APBB2: variants seen among roughly 807,000 people sequenced by gnomAD.
APBB2 encodes the protein Fe65-like 1.
A neutral mutation model predicts 82.5 loss-of-function variants in APBB2; 38 were observed. The observed-to-expected ratio is 0.46, with a 90% CI of 0.36 to 0.60. The LOEUF (loss-of-function observed/expected upper bound fraction) is 0.60, where lower values mean the gene tolerates loss of function less well. Ranked by LOEUF, APBB2 falls within the 20% of genes least tolerant of loss-of-function variation. The pLI is 0.00. For missense variants in APBB2, 772 were observed against 972.3 expected (o/e 0.79, Z 2.74); for synonymous variants, 341 against 368.2 (o/e 0.93, Z 0.85).
chr4:40,922,164 G>T (rs1781428922), intron 10 of APBB2, among the ~76,000 whole-genome samples: 1 of 152,222 alleles, frequency 6.6e-6, no homozygotes, highest in African/African-American at 2.4e-5. Context: ...TAACCGAACT[G>T]CTTCAACATG....
chr4:40,993,478 G>A (rs936287476), intron 6 of APBB2, among the ~76,000 whole-genome samples: 1 of 151,256 alleles, frequency 6.6e-6, no homozygotes, highest in Non-Finnish European at 1.5e-5. Context: ...TGACCTCCGG[G>A]GCTCAAGGAG....
chr4:41,112,640 C>T (rs1749594722), intron 2 of APBB2, among the ~76,000 whole-genome samples: 1 of 152,162 alleles, frequency 6.6e-6, no homozygotes, highest in South Asian at 2.1e-4. Flanking sequence ...TTCAAAAAAC[C>T]TGTAAATACA....
chr4:41,079,497 T>C (rs1736775030), intron 3 of APBB2, among the ~76,000 whole-genome samples: 1 of 151,330 alleles, frequency 6.6e-6, no homozygotes. Context: ...AAGATACAGA[T>C]AAAACTGTTT....
chr4:41,117,709 T>C (rs939707464), intron 2 of APBB2, among the ~76,000 whole-genome samples: 46 of 152,146 alleles, frequency 3.0e-4, no homozygotes, highest in African/African-American at 1.1e-3. Context: ...CTCAGCCCCA[T>C]CTGCTTCCAA....
At chr4:41,183,540 CAG>C (rs2154065401) in intron 1 of APBB2, among the ~76,000 whole-genome samples, 1 of 152,212 alleles carries the variant, frequency 6.6e-6, no homozygotes, top group South Asian at 2.1e-4. Context: ...AATTTGGACA[CAG>C]AGACACATAC....
In APBB2 at chr4:41,068,894, CAAGT is replaced by C. The variant is rs557250120; in HGVS notation, c.-148-3225_-148-3222del. Among the ~76,000 whole-genome samples, 442 of 143,498 alleles carry C rather than the reference CAAGT, an allele frequency of 3.1e-3. 3 individuals carry two copies. The highest frequency in any genetic ancestry group is 0.011 in the African/African-American group (422 of 38,448). 94.1% of individuals were successfully genotyped at this position (143,498 alleles called of 152,430 possible). ...TACTGCAACCTCCGACTTCCTGGTTCAAGTAATTCTGCTGCCTCAGTCTCCTGAG... is the reference window on the plus strand; with the variant it reads ...TACTGCAACCTCCGACTTCCTGGTTCAATTCTGCTGCCTCAGTCTCCTGAG... On this transcript the variant is annotated intron_variant, in intron 3 of 17. Transcript: ENST00000508593.
intron 12 of APBB2, among the ~76,000 whole-genome samples, chr4:40,848,124 T>G (rs1425449970): frequency 6.6e-6 from 1 of 152,224 alleles, no homozygotes; most frequent in Non-Finnish European, 1.5e-5. Flanking sequence ...TTTTGTTAAC[T>G]TCCATCTAGA....
chr4:40,990,416 GC>G (rs950694296), intron 6 of APBB2: 2 of 151,708 alleles, frequency 1.3e-5, no homozygotes, highest in East Asian at 3.9e-4. Flanking sequence ...GTTCTTTTTT[GC>G]AAAAGTGCCA....
chr4:40,876,570 C>T (rs555808325), intron 12 of APBB2, among the ~76,000 whole-genome samples: 1 of 152,310 alleles, frequency 6.6e-6, no homozygotes, highest in South Asian at 2.1e-4. Context: ...TTCCAGGACC[C>T]CCAACGATGC....
chr4:40,984,761 T>C (rs1409868333), intron 6 of APBB2, among the ~76,000 whole-genome samples: 1 of 152,186 alleles, frequency 6.6e-6, no homozygotes, highest in African/African-American at 2.4e-5. Context: ...TGGTAAAGAA[T>C]AGTTTGCATA....
intron 5 of APBB2, among the ~76,000 whole-genome samples, chr4:41,029,144 T>C (rs906193599): frequency 3.3e-5 from 5 of 152,236 alleles, no homozygotes; most frequent in African/African-American, 1.2e-4. Context: ...ATTTTTCTGC[T>C]ATACAATTTC....
At chr4:41,174,393 T>G (rs925736083) in intron 1 of APBB2, among the ~76,000 whole-genome samples, 2 of 152,176 alleles carry the variant, frequency 1.3e-5, no homozygotes, top group African/African-American at 4.8e-5. Flanking sequence ...CTCCCTTAAC[T>G]CATCTCTGCT....
At chr4:40,825,732 G>A (rs1749686850) in intron 15 of APBB2, 155 bp downstream of exon 15, 1 of 638,798 alleles carries the variant, frequency 1.6e-6, no homozygotes, top group East Asian at 2.8e-5. Flanking sequence ...TTTTGATCAG[G>A]ACCGTTTATG....
At chr4:40,991,500 A>G (rs1489843350) in intron 6 of APBB2, among the ~76,000 whole-genome samples, 1 of 152,088 alleles carries the variant, frequency 6.6e-6, no homozygotes, top group African/African-American at 2.4e-5. Flanking sequence ...AAGTGATCCT[A>G]TTTATTTTTT....
chr4:40,869,887 A>G (rs892620193), intron 12 of APBB2, among the ~76,000 whole-genome samples: 4 of 151,838 alleles, frequency 2.6e-5, no homozygotes, highest in Admixed American at 2.0e-4. Flanking sequence ...TAGAAATAGG[A>G]AAATATGAGG....
At chr4:40,830,894 A>G (rs1751633384) in intron 12 of APBB2, among the ~76,000 whole-genome samples, 1 of 152,138 alleles carries the variant, frequency 6.6e-6, no homozygotes, top group South Asian at 2.1e-4. Flanking sequence ...CAGGCAACAC[A>G]GTGAAACCAC....
chr4:41,040,219 T>C (rs1261670002), intron 4 of APBB2, among the ~76,000 whole-genome samples: 3 of 152,182 alleles, frequency 2.0e-5, no homozygotes, highest in Non-Finnish European at 4.4e-5. Context: ...ATTATTTTAG[T>C]GATGAATACT....
At chr4:40,912,374 C>T (rs1425374480) in intron 10 of APBB2, among the ~76,000 whole-genome samples, 1 of 152,264 alleles carries the variant, frequency 6.6e-6, no homozygotes, top group East Asian at 1.9e-4. Flanking sequence ...GTCAGGAGTT[C>T]GAGACCAGCC....
chr4:41,170,808 G>C (rs1238706738), intron 1 of APBB2, among the ~76,000 whole-genome samples: 1 of 152,096 alleles, frequency 6.6e-6, no homozygotes. Flanking sequence ...AGGAAATCTA[G>C]GTGAATAATA....
Sources: allele counts gnomAD v4.1 joint callset (sites outside exome capture counted in the v4.1 genomes callset), GRCh38; gene constraint gnomAD v4.1.1; transcripts MANE v1.5; gene names NCBI Gene and HGNC (gene_info 2026-07-23, HGNC 2026-07-21).